PLA2G2C: variants seen among roughly 807,000 people sequenced by gnomAD.
The protein encoded by PLA2G2C is phospholipase A2 group IIC, also known as putative inactive group IIC secretory phospholipase A2.
A neutral mutation model predicts 14.3 loss-of-function variants in PLA2G2C; 15 were observed. That is an observed-to-expected ratio of 1.05 (90% confidence interval 0.70 to 1.62). PLA2G2C has a LOEUF of 1.62. Ranked by LOEUF, PLA2G2C falls within the 40% of genes most tolerant of loss-of-function variation. PLA2G2C has a pLI of 0.00. For synonymous variants in PLA2G2C, 79 were observed against 67.7 expected, an observed-to-expected ratio of 1.17 and a Z score of -0.82; for missense variants, 162 against 173.2, an observed-to-expected ratio of 0.94 and a Z score of 0.36.
At chr1:20,185,249 T>TACACCAAGGTGTGTGGCC (rs2018348916) in intron 1 of PLA2G2C, among the ~76,000 whole-genome samples, 1 of 152,184 alleles carries the variant, frequency 6.6e-6, no homozygotes, top group Non-Finnish European at 1.5e-5. Context: ...GTGTTTCTGT[T>TACACCAAGGTGTGTGGCC]ACACCAAGGT....
intron 2 of PLA2G2C, among the ~76,000 whole-genome samples, chr1:20,175,550 G>A (rs2018168606): frequency 6.6e-6 from 1 of 152,166 alleles, no homozygotes; most frequent in Non-Finnish European, 1.5e-5. Context: ...TATCTCACAG[G>A]AGAAACAAAA....
chr1:20,178,451 G>T (rs575284745), intron 1 of PLA2G2C, among the ~76,000 whole-genome samples: 4 of 152,324 alleles, frequency 2.6e-5, no homozygotes, highest in Non-Finnish European at 5.9e-5. Flanking sequence ...GCAGATCCCT[G>T]GGAGAGTTAA....
rs775207805 is a variant in PLA2G2C, at chr1:20,172,880, G to A, written c.197C>T (p.Pro66Leu). ...CTCCTTCAGCTTCTCGTAGGGAGAG[G>A]GAGATGAGGGGCTGTGCCTGGAAGT... ...DDTDRHSPSS[P>L]SPYEKLKEFS... Residue 66 changes from proline to leucine, a missense_variant, in exon 4 of 5, where the codon CCC becomes CTC. Pro to Leu is a moderately conservative substitution (Grantham distance 98). Transcript: ENST00000679259. 30 of 1,613,668 alleles carry A rather than the reference G, an allele frequency of 1.9e-5. No individual in the cohort carries two copies. The highest frequency in any genetic ancestry group is 2.5e-5 in the Non-Finnish European group (29 of 1,179,822).
Position 20,181,694 on chromosome 1 carries a change from C to T in PLA2G2C, c.-76-4255G>A, listed in dbSNP as rs115872041. Among the ~76,000 whole-genome samples the T allele has an allele frequency of 6.6e-3, 1,003 of 152,252 alleles. 14 individuals carry two copies. Among genetic ancestry groups the T allele is most frequent in the African/African-American group, 0.023 (952 of 41,536 alleles). On this transcript the variant is annotated intron_variant, in intron 1 of 4. Coordinates refer to ENST00000679259, the MANE Select transcript of PLA2G2C (RefSeq NM_001367969.2). ...CCCAGCAGCCGGACAGGAATGGAGT[C>T]AGAGCAGCTTCTCTTAATAGGAAGG...
intron 4 of PLA2G2C, among the ~76,000 whole-genome samples, chr1:20,169,570 A>C (rs1294300500): frequency 1.3e-5 from 2 of 152,232 alleles, no homozygotes; most frequent in African/African-American, 4.8e-5. Context: ...AGTAATAAAG[A>C]AAATCCCAGT....
chr1:20,179,990 TAGCTTCTCCCTCTATGTC>T (rs997360326), intron 1 of PLA2G2C, among the ~76,000 whole-genome samples: 1 of 150,958 alleles, frequency 6.6e-6, no homozygotes, highest in African/African-American at 2.4e-5. Flanking sequence ...GTGTGTGTGT[TAGCTTCTCCCTCTATGTC>T]AGCTTCTCCC....
At position 20,163,737 on chromosome 1, in the gene PLA2G2C, TC is replaced by T; in HGVS notation, c.*253del. ...TTCTATATCCATGCATTTGTAGTCC[TC>T]CCCACTCCACAGAATGCCAGCTCCT... On this transcript the variant is annotated 3_prime_UTR_variant, in exon 5 of 5. Transcript: ENST00000679259. 5 of 487,604 alleles carry T rather than the reference TC, an allele frequency of 1.0e-5. No individual in the cohort carries two copies. The South Asian group carries it at 1.4e-4, about 13-fold the overall frequency. 30.2% of individuals were successfully genotyped at this position (487,604 alleles called of 1,614,324 possible).
At chr1:20,164,629 C>G (rs991135453) in intron 4 of PLA2G2C, among the ~76,000 whole-genome samples, 3 of 152,182 alleles carry the variant, frequency 2.0e-5, no homozygotes, top group Non-Finnish European at 4.4e-5. Flanking sequence ...GAGCTCATCT[C>G]CTATTTCCAG....
At chr1:20,167,926 A>G (rs2018004620) in intron 4 of PLA2G2C, among the ~76,000 whole-genome samples, 1 of 152,188 alleles carries the variant, frequency 6.6e-6, no homozygotes, top group Admixed American at 6.5e-5. Flanking sequence ...GGTGCTTCAG[A>G]GCACTTGGCC....
intron 4 of PLA2G2C, among the ~76,000 whole-genome samples, chr1:20,165,738 G>T (rs2017965969): frequency 6.6e-6 from 1 of 151,948 alleles, no homozygotes; most frequent in African/African-American, 2.4e-5. Context: ...GCTTGTGTGT[G>T]CAGGTATGTG....
intron 4 of PLA2G2C, among the ~76,000 whole-genome samples, chr1:20,165,829 G>C (rs762734017): frequency 1.3e-5 from 2 of 152,064 alleles, no homozygotes; most frequent in South Asian, 4.1e-4. Context: ...GTGTGTGCGC[G>C]CGCGCATGTG....
rs374244018 is a variant in PLA2G2C at position 20,175,309 on chromosome 1, G to A, written c.41-164C>T. 6.4e-4 allele frequency: 639 copies of A among 1,001,062 alleles called. 10 individuals are homozygous for A. The South Asian group carries it at 9.9e-3, about 15-fold the overall frequency. 62.0% of individuals were successfully genotyped at this position (1,001,062 alleles called of 1,614,324 possible). A position where few individuals can be genotyped will look rare whatever the true frequency, so the allele number is the denominator to read the frequency against. Reference sequence around the variant, plus strand: ...TGGAATCACCAGCCTCTTTCCTGGGGAATAAAATAGGTTCAGATTTGCCCC... The same window carrying A: ...TGGAATCACCAGCCTCTTTCCTGGGAAATAAAATAGGTTCAGATTTGCCCC... On this transcript the variant is annotated intron_variant, in intron 2 of 4. Coordinates refer to ENST00000679259, the MANE Select transcript of PLA2G2C (RefSeq NM_001367969.2).
intron 2 of PLA2G2C, among the ~76,000 whole-genome samples, chr1:20,176,217 C>T (rs79114226): frequency 0.041 from 6,286 of 152,124 alleles, 158 homozygotes; most frequent in South Asian, 0.1. Context: ...CCGCGCCCGG[C>T]CCAGCATGTG....
chr1:20,181,540 G>A (rs1056978338), intron 1 of PLA2G2C, among the ~76,000 whole-genome samples: 9 of 146,534 alleles, frequency 6.1e-5, no homozygotes, highest in African/African-American at 1.5e-4. Context: ...TCCTGCTTCC[G>A]TGCCTATCCA....
At chr1:20,175,587 C>T (rs2018169036) in intron 2 of PLA2G2C, among the ~76,000 whole-genome samples, 1 of 152,152 alleles carries the variant, frequency 6.6e-6, no homozygotes, top group South Asian at 2.1e-4. Context: ...AAGGTATCCT[C>T]AATTATTATT....
intron 3 of PLA2G2C, among the ~76,000 whole-genome samples, chr1:20,173,172 C>CA (rs2018118833): frequency 6.6e-6 from 1 of 150,520 alleles, no homozygotes; most frequent in South Asian, 2.1e-4. Context: ...AAAAAAAAGC[C>CA]AGGCATGGTG....
chr1:20,179,464 TC>T, intron 1 of PLA2G2C, among the ~76,000 whole-genome samples: 1 of 150,804 alleles, frequency 6.6e-6, no homozygotes, highest in South Asian at 2.1e-4. Context: ...CGTGTCAGCT[TC>T]TCCCTTGCAT....
intron 3 of PLA2G2C, 36 bp from the exon 4 acceptor site, chr1:20,172,933 C>A (rs1348976893): frequency 6.5e-7 from 1 of 1,542,298 alleles, no homozygotes; most frequent in Non-Finnish European, 8.9e-7. Context: ...GCTGGAGGAC[C>A]TTATCTGGGG....
At chr1:20,185,498 G>A (rs2018355520) in intron 1 of PLA2G2C, among the ~76,000 whole-genome samples, 2 of 152,222 alleles carry the variant, frequency 1.3e-5, no homozygotes, top group Non-Finnish European at 2.9e-5. Flanking sequence ...CAAGTGGCTG[G>A]AAGTGGAAGA....
Sources: allele counts gnomAD v4.1 joint callset (sites outside exome capture counted in the v4.1 genomes callset), GRCh38; gene constraint gnomAD v4.1.1; transcripts MANE v1.5; gene names NCBI Gene and HGNC (gene_info 2026-07-23, HGNC 2026-07-21).